Variants in GRHL2 observed in about 807,000 individuals in gnomAD.
The protein encoded by GRHL2 is grainyhead-like protein 2 homolog.
GRHL2 carries 21 observed loss-of-function variants against 83.8 expected under a neutral mutation model. The ratio of observed to expected loss-of-function variants is 0.25; its 90% CI spans 0.18 to 0.36. The LOEUF (loss-of-function observed/expected upper bound fraction) is 0.36, where lower values mean the gene tolerates loss of function less well. Ranked by LOEUF, GRHL2 falls within the 10% of genes least tolerant of loss-of-function variation. The probability of loss-of-function intolerance (pLI) is 1.00; values close to 1 mark genes in which losing one functional copy is unlikely to be tolerated. For synonymous variants in GRHL2, 280 were observed against 278.9 expected (o/e 1.00, Z -0.04); for missense variants, 623 against 781.8 (o/e 0.80, Z 2.42).
intron 14 of GRHL2, among the ~76,000 whole-genome samples, chr8:101,661,333 T>G (rs905515835): frequency 6.6e-6 from 1 of 152,178 alleles, no homozygotes; most frequent in East Asian, 1.9e-4. Context: ...TCCATTTGGA[T>G]GCATTTGCTA....
chr8:101,671,815 T>G (rs1227225770), downstream of GRHL2, among the ~76,000 whole-genome samples: 1 of 152,190 alleles, frequency 6.6e-6, no homozygotes. Flanking sequence ...ATCTCATATG[T>G]CCGGGTACTC....
chr8:101,625,267 G>T (rs1468517633), intron 9 of GRHL2, among the ~76,000 whole-genome samples: 2 of 151,930 alleles, frequency 1.3e-5, no homozygotes, highest in Admixed American at 1.3e-4. Flanking sequence ...TATTCACTTT[G>T]GTAGTTGGAA....
chr8:101,583,074 A>G (rs1294729054), intron 7 of GRHL2, among the ~76,000 whole-genome samples: 9 of 152,162 alleles, frequency 5.9e-5, no homozygotes, highest in Admixed American at 1.3e-4. Context: ...GACAGTGGAG[A>G]ATGTGCGGAA....
chr8:101,545,078 AG>A (rs1398108631), intron 2 of GRHL2, among the ~76,000 whole-genome samples: 1 of 152,214 alleles, frequency 6.6e-6, no homozygotes, highest in East Asian at 1.9e-4. Flanking sequence ...ATGAAGAGCA[AG>A]GTATGAGTGG....
chr8:101,561,496 A>G (rs1563581258), intron 4 of GRHL2, among the ~76,000 whole-genome samples: 1 of 152,242 alleles, frequency 6.6e-6, no homozygotes, highest in Non-Finnish European at 1.5e-5. Flanking sequence ...ATTAGGCTTC[A>G]TCAAACAATG....
At chr8:101,558,315 G>A in intron 3 of GRHL2, 104 bp from the exon 4 acceptor site, 1 of 1,346,232 alleles carries the variant, frequency 7.4e-7, no homozygotes, top group East Asian at 2.3e-5. Context: ...TCCCTTAATG[G>A]CATTAACATC....
chr8:101,670,513 C>T (rs1030744555), downstream of GRHL2, among the ~76,000 whole-genome samples: 2 of 152,220 alleles, frequency 1.3e-5, no homozygotes, highest in Admixed American at 6.5e-5. Flanking sequence ...GGAGGAAGCG[C>T]TCATTGCAGA....
At chr8:101,570,580 T>A (rs1811801507) in intron 5 of GRHL2, among the ~76,000 whole-genome samples, 186 bp downstream of exon 5, 1 of 151,990 alleles carries the variant, frequency 6.6e-6, no homozygotes, top group African/African-American at 2.4e-5. Flanking sequence ...CTTGGACAAT[T>A]TTCTGGGACC....
intron 1 of GRHL2, among the ~76,000 whole-genome samples, chr8:101,504,366 G>C (rs1810292234): frequency 6.6e-6 from 1 of 152,240 alleles, no homozygotes; most frequent in Non-Finnish European, 1.5e-5. Context: ...AGGTGTATAA[G>C]TTTCCAACAT....
intron 14 of GRHL2, among the ~76,000 whole-genome samples, chr8:101,662,588 A>G (rs1206800012): frequency 6.6e-6 from 1 of 152,178 alleles, no homozygotes; most frequent in East Asian, 1.9e-4. Context: ...GCTGCCTGTG[A>G]GCCCCACCAG....
At chr8:101,579,808 T>A (rs889076364) in intron 7 of GRHL2, among the ~76,000 whole-genome samples, 2 of 151,838 alleles carry the variant, frequency 1.3e-5, no homozygotes, top group Non-Finnish European at 1.5e-5. Context: ...AACTCTGGAG[T>A]GTGATATTGA....
At chr8:101,524,909 A>AT (rs1305448397) in intron 1 of GRHL2, among the ~76,000 whole-genome samples, 2 of 151,756 alleles carry the variant, frequency 1.3e-5, no homozygotes, top group African/African-American at 4.8e-5. Flanking sequence ...CCATACCATT[A>AT]TTTTTATTTT....
chr8:101,534,561 C>T (rs1811003613), intron 1 of GRHL2, among the ~76,000 whole-genome samples: 1 of 151,934 alleles, frequency 6.6e-6, no homozygotes. Flanking sequence ...TGGGAGAGGA[C>T]TCACGAGGGT....
chr8:101,554,476 T>G (rs933659549), intron 3 of GRHL2, among the ~76,000 whole-genome samples: 16 of 152,294 alleles, frequency 1.1e-4, no homozygotes, highest in East Asian at 1.9e-4. Context: ...AAGCAACAGC[T>G]GCTCATTGTA....
chr8:101,654,260 T>A (rs1813737250), intron 14 of GRHL2, among the ~76,000 whole-genome samples: 1 of 152,250 alleles, frequency 6.6e-6, no homozygotes, highest in Non-Finnish European at 1.5e-5. Context: ...TTCATATCAA[T>A]ATTCACATTG....
intron 14 of GRHL2, among the ~76,000 whole-genome samples, chr8:101,654,788 T>C (rs545034555): frequency 1.3e-5 from 2 of 152,296 alleles, no homozygotes; most frequent in African/African-American, 4.8e-5. Context: ...TTTAAGCCAC[T>C]TGATAGGTTG....
intron 4 of GRHL2, among the ~76,000 whole-genome samples, chr8:101,565,813 G>T (rs1260644760): frequency 1.3e-5 from 2 of 152,158 alleles, no homozygotes; most frequent in African/African-American, 2.4e-5. Context: ...GTGAACATCG[G>T]ACAGCTCTAC....
At position 101,632,223 on chromosome 8, in the gene GRHL2, C is replaced by T; in HGVS notation, c.1346-3C>T. On this transcript the variant is annotated splice_polypyrimidine_tract_variant and splice_region_variant and intron_variant, in intron 10 of 15. Coordinates refer to ENST00000646743, the MANE Select transcript of GRHL2 (RefSeq NM_024915.4). ...ATTTATGAGTTTGTGTGATCCCATC[C>T]AGCCTCTGATGGGAAGTTGGCTGCC... The T allele has an allele frequency of 6.2e-7, 1 of 1,613,718 alleles. No individual in the cohort carries two copies. Among genetic ancestry groups the T allele is most frequent in the Non-Finnish European group, 8.5e-7 (1 of 1,179,660 alleles).
the GRHL2 span, among the ~76,000 whole-genome samples, chr8:101,677,424 C>T: frequency 1.3e-5 from 2 of 151,690 alleles, no homozygotes; most frequent in African/African-American, 2.4e-5. Context: ...ACCATCTCCA[C>T]CCCCACGCCT....
Sources: gnomAD v4.1 joint callset for allele counts (sites outside exome capture counted in the v4.1 genomes callset) on GRCh38, gnomAD v4.1.1 for gene constraint, MANE v1.5 for transcripts, NCBI Gene and HGNC (gene_info 2026-07-23, HGNC 2026-07-21) for gene names.